The following EXOC4 variants were observed in gnomAD, a reference collection of about 807,000 sequenced individuals.
EXOC4 encodes exocyst complex component 4, also known as SEC8-like 1.
EXOC4 carries 71 observed loss-of-function variants against 107.2 expected under a neutral mutation model. That is an observed-to-expected ratio of 0.66 (90% CI 0.55 to 0.81). The LOEUF (loss-of-function observed/expected upper bound fraction) is 0.81, where lower values mean the gene tolerates loss of function less well. Among genes scored for constraint, EXOC4 ranks in the 30% least tolerant of loss-of-function variants. EXOC4 has a pLI of 0.00. For synonymous variants in EXOC4, 456 were observed against 441.2 expected (o/e 1.03, Z -0.42); for missense variants, 1,108 against 1,189.6 (o/e 0.93, Z 1.01).
chr7:133,733,067 G>C, intron 10 of EXOC4: 1 of 192,936 alleles, frequency 5.2e-6, no homozygotes, highest in Non-Finnish European at 1.1e-5. Context: ...GATCAGCAAG[G>C]CTCACTTCAA....
chr7:133,535,329 G>C (rs1459908731), intron 9 of EXOC4, among the ~76,000 whole-genome samples: 1 of 152,138 alleles, frequency 6.6e-6, no homozygotes, highest in African/African-American at 2.4e-5. Context: ...TTCAGCTACA[G>C]TAATTTTGTC....
In EXOC4 at chr7:133,823,948, G is replaced by A. The variant is rs188111732; in HGVS notation, c.1734+6404G>A. ...AAATTATATATATATTATATATATA[G>A]TTGAGGCTTTATTTAATGCAGCCAG... On this transcript the variant is annotated intron_variant, in intron 11 of 17. Coordinates refer to ENST00000253861, the MANE Select transcript of EXOC4 (RefSeq NM_021807.4). Among the ~76,000 whole-genome samples the A allele has an allele frequency of 8.2e-3, 838 of 102,568 alleles. 30 individuals are homozygous for A. The highest frequency in any genetic ancestry group is 0.03 in the African/African-American group (795 of 26,712). 67.3% of individuals were successfully genotyped at this position (102,568 alleles called of 152,430 possible). A position where few individuals can be genotyped will look rare whatever the true frequency, so the allele number is the denominator to read the frequency against.
intron 9 of EXOC4, among the ~76,000 whole-genome samples, chr7:133,574,484 C>G (rs1801086587): frequency 6.6e-6 from 1 of 152,078 alleles, no homozygotes; most frequent in African/African-American, 2.4e-5. Context: ...GTTACTTGCC[C>G]TGATTTTGGG....
intron 7 of EXOC4, among the ~76,000 whole-genome samples, chr7:133,434,518 A>G (rs1306858226): frequency 2.0e-5 from 3 of 152,162 alleles, no homozygotes; most frequent in Admixed American, 1.3e-4. Context: ...CTCCCCTCCA[A>G]GTCATTTTGC....
intron 9 of EXOC4, chr7:133,480,409 C>T (rs1799127025): frequency 1.6e-6 from 2 of 1,221,002 alleles, no homozygotes; most frequent in Admixed American, 3.4e-5. Flanking sequence ...AAACAGAAGA[C>T]CTGAGTCCAG....
intron 7 of EXOC4, among the ~76,000 whole-genome samples, chr7:133,406,437 T>C (rs1453893847): frequency 6.6e-6 from 1 of 152,198 alleles, no homozygotes; most frequent in Non-Finnish European, 1.5e-5. Flanking sequence ...ATATTACTAT[T>C]GCGCCTCTGA....
intron 10 of EXOC4, among the ~76,000 whole-genome samples, chr7:133,777,849 C>A (rs764937439): frequency 6.6e-6 from 1 of 152,068 alleles, no homozygotes; most frequent in South Asian, 2.1e-4. Flanking sequence ...AATCCTCTGG[C>A]GTATAGCTAG....
chr7:134,044,649 A>G lies in EXOC4; in HGVS notation c.2688-19642A>G, dbSNP rs574190263. Among the ~76,000 whole-genome samples, 41 of 152,344 alleles carry G rather than the reference A, an allele frequency of 2.7e-4. No homozygotes were observed. The South Asian group carries it at 7.9e-3, about 29-fold the overall frequency. On this transcript the variant is annotated intron_variant, in intron 17 of 17. Coordinates refer to ENST00000253861, the MANE Select transcript of EXOC4 (RefSeq NM_021807.4). ...ACTCTGTGAAAGAGCAGACAATGCA[A>G]GGCATCTCCTCCTTCGCTTTAATGT...
At chr7:133,560,517 C>G (rs1800785073) in intron 9 of EXOC4, among the ~76,000 whole-genome samples, 1 of 152,138 alleles carries the variant, frequency 6.6e-6, no homozygotes, top group African/African-American at 2.4e-5. Context: ...TTCCTGGCCT[C>G]AAGAGATTCT....
At chr7:133,677,328 G>T (rs1204397048) in intron 10 of EXOC4, among the ~76,000 whole-genome samples, 3 of 151,988 alleles carry the variant, frequency 2.0e-5, no homozygotes, top group African/African-American at 7.3e-5. Flanking sequence ...CCGTATGCAG[G>T]TGATTTACTG....
At chr7:133,489,774 CAAAAG>C (rs1324060467) in intron 9 of EXOC4, among the ~76,000 whole-genome samples, 3 of 152,026 alleles carry the variant, frequency 2.0e-5, no homozygotes, top group African/African-American at 4.8e-5. Flanking sequence ...CTTTGAAGGC[CAAAAG>C]AAAAGAAAGG....
chr7:133,632,527 A>C (rs1802614765), intron 10 of EXOC4, among the ~76,000 whole-genome samples: 1 of 152,050 alleles, frequency 6.6e-6, no homozygotes, highest in Non-Finnish European at 1.5e-5. Flanking sequence ...CTTTTAGTGG[A>C]TTTTTACTTT....
At chr7:133,687,465 C>G (rs895830204) in intron 10 of EXOC4, among the ~76,000 whole-genome samples, 1 of 152,046 alleles carries the variant, frequency 6.6e-6, no homozygotes, top group Non-Finnish European at 1.5e-5. Context: ...CACCAGATCA[C>G]TAAATCCAGA....
intron 13 of EXOC4, among the ~76,000 whole-genome samples, chr7:133,926,148 G>A (rs993060549): frequency 6.6e-6 from 1 of 151,832 alleles, no homozygotes; most frequent in Admixed American, 6.6e-5. Flanking sequence ...GCAGCAGTAC[G>A]AATTTTCAGG....
chr7:133,469,998 G>T (rs1321585501), intron 7 of EXOC4, among the ~76,000 whole-genome samples: 1 of 152,172 alleles, frequency 6.6e-6, no homozygotes, highest in Admixed American at 6.5e-5. Context: ...GAACATTTTG[G>T]CTGTGGCTGA....
chr7:133,405,424 C>CA (rs771159976), intron 7 of EXOC4, among the ~76,000 whole-genome samples: 10 of 151,970 alleles, frequency 6.6e-5, no homozygotes, highest in Non-Finnish European at 1.2e-4. Flanking sequence ...CTATTTAGAT[C>CA]ATGGTAAATG....
chr7:133,939,214 G>A (rs993361225), intron 14 of EXOC4, among the ~76,000 whole-genome samples: 1 of 152,198 alleles, frequency 6.6e-6, no homozygotes, highest in African/African-American at 2.4e-5. Flanking sequence ...ACATGTCAGA[G>A]TGAGCTTTTT....
intron 11 of EXOC4, among the ~76,000 whole-genome samples, chr7:133,879,556 T>C (rs563081888): frequency 1.4e-3 from 215 of 152,356 alleles, no homozygotes; most frequent in African/African-American, 4.7e-3. Context: ...TTTGTTTTAA[T>C]AGCCACCTTA....
intron 1 of EXOC4, among the ~76,000 whole-genome samples, chr7:133,271,375 C>T (rs1245803315): frequency 6.6e-6 from 1 of 152,174 alleles, no homozygotes; most frequent in Admixed American, 6.5e-5. Flanking sequence ...TGCTTGGCAT[C>T]ATGCATTCAA....
Sources: gnomAD v4.1 joint callset for allele counts (sites outside exome capture counted in the v4.1 genomes callset) on GRCh38, gnomAD v4.1.1 for gene constraint, MANE v1.5 for transcripts, NCBI Gene and HGNC (gene_info 2026-07-23, HGNC 2026-07-21) for gene names.